The following TJP1 variants were observed in gnomAD, a reference collection of about 807,000 sequenced individuals.
TJP1 encodes the protein tight junction protein ZO-1.
Under a neutral mutation model 194.2 loss-of-function variants are expected in TJP1, and 43 were observed. That is an observed-to-expected ratio of 0.22 (90% CI 0.17 to 0.29). The LOEUF (loss-of-function observed/expected upper bound fraction) is 0.29, where lower values mean the gene tolerates loss of function less well. Among genes scored for constraint, TJP1 ranks in the 10% least tolerant of loss-of-function variants. The pLI, the probability that TJP1 is intolerant of heterozygous loss-of-function variation, is 1.00. For missense variants in TJP1, 1,971 were observed against 2,185.7 expected (o/e 0.90, Z 1.96); for synonymous variants, 801 against 779.0 (o/e 1.03, Z -0.47).
At chr15:29,815,798 C>A (rs1014862247) in intron 1 of TJP1, among the ~76,000 whole-genome samples, 1 of 152,194 alleles carries the variant, frequency 6.6e-6, no homozygotes, top group Non-Finnish European at 1.5e-5. Flanking sequence ...ATTCTTAGAA[C>A]TGTACAGAGT....
At chr15:29,963,093 A>G (rs1423438722) in intron 1 of TJP1, among the ~76,000 whole-genome samples, 1 of 152,182 alleles carries the variant, frequency 6.6e-6, no homozygotes, top group African/African-American at 2.4e-5. Context: ...GTGAGCTGAG[A>G]TCGCGCCATT....
At chr15:29,812,183 C>T (rs969775597) in intron 1 of TJP1, among the ~76,000 whole-genome samples, 1 of 152,260 alleles carries the variant, frequency 6.6e-6, no homozygotes, top group East Asian at 1.9e-4. Context: ...AAGAGTTGCT[C>T]GGTGATAATC....
intron 2 of TJP1, among the ~76,000 whole-genome samples, chr15:29,930,640 T>C (rs763051618): frequency 1.2e-5 from 1 of 85,094 alleles, no homozygotes; most frequent in Non-Finnish European, 2.4e-5. Context: ...GATGAGACAT[T>C]AGAAGCAGTC....
At chr15:29,813,672 G>T (rs1052596805) in intron 1 of TJP1, among the ~76,000 whole-genome samples, 35 of 152,162 alleles carry the variant, frequency 2.3e-4, no homozygotes, top group African/African-American at 7.7e-4. Context: ...GAGAAACCTA[G>T]AAGACAAGAT....
rs570048794 is a variant in TJP1 at position 29,950,391 on chromosome 15, T to C, written c.306+5841A>G. ...ACCACCACCTCTACCTCCACCACCATAACCACCACCACTTCTACCACCATA... is the reference window on the plus strand; with the variant it reads ...ACCACCACCTCTACCTCCACCACCACAACCACCACCACTTCTACCACCATA... On this transcript the variant is annotated intron_variant, in intron 2 of 28. Transcript: ENST00000356107. 2.1e-4 allele frequency among the ~76,000 whole-genome samples: 30 copies of C among 144,946 alleles called. No homozygotes were observed. In the South Asian group the frequency reaches 6.6e-3, roughly 32 times the overall value.
At position 29,741,424 on chromosome 15, in the gene TJP1, A is replaced by G. The variant is rs748263338; in HGVS notation, c.1163T>C (p.Val388Ala). The part of the protein sequence containing the change: ...QTPSLPEPKP[V>A]YAQVGQPDVD... ...ATCTGGTTGCCCAACTTGGGCATAC[A>G]CAGGCTTTGGTTCTAAGAAAAAAAA... Residue 388 changes from valine (V) to alanine (A), a missense_variant, in exon 10 of 28, where the codon GTG becomes GCG. This residue lies in a region of TJP1 where 192 missense variants were observed against 182.3 expected (regional missense o/e 1.05). Transcript: ENST00000614355. The G allele has an allele frequency of 1.2e-5, 20 of 1,608,266 alleles. No homozygotes were observed. The highest frequency in any genetic ancestry group is 1.7e-5 in the Non-Finnish European group (20 of 1,178,140).
intron 1 of TJP1, among the ~76,000 whole-genome samples, chr15:29,803,942 AAAG>A (rs372631847): frequency 1.8e-3 from 275 of 152,212 alleles, no homozygotes; most frequent in African/African-American, 6.1e-3. Flanking sequence ...TGAAACATCA[AAAG>A]AAGTGGTTAG....
intron 2 of TJP1, among the ~76,000 whole-genome samples, chr15:29,789,638 G>A (rs1308466101): frequency 6.6e-6 from 1 of 152,136 alleles, no homozygotes. Flanking sequence ...GTAAATAGCA[G>A]AAAATGTTAG....
chr15:29,905,119 C>T (rs915120711), intron 2 of TJP1, among the ~76,000 whole-genome samples: 18 of 152,194 alleles, frequency 1.2e-4, no homozygotes, highest in African/African-American at 3.9e-4. Flanking sequence ...TCCTAGCAAA[C>T]TGACAACGTA....
intron 2 of TJP1, among the ~76,000 whole-genome samples, chr15:29,779,652 ATTTAAC>A (rs2151711731): frequency 1.3e-5 from 2 of 152,354 alleles, no homozygotes; most frequent in East Asian, 3.9e-4. Flanking sequence ...TGATTATTCA[ATTTAAC>A]TTTAATTCTA....
chr15:29,806,782 G>T (rs929276065), intron 1 of TJP1, among the ~76,000 whole-genome samples: 1 of 152,132 alleles, frequency 6.6e-6, no homozygotes, highest in Non-Finnish European at 1.5e-5. Context: ...CACAAATGAA[G>T]TACAAAGGGA....
intron 23 of TJP1, among the ~76,000 whole-genome samples, chr15:29,712,596 A>C (rs2042307628): frequency 6.6e-6 from 1 of 152,222 alleles, no homozygotes; most frequent in Non-Finnish European, 1.5e-5. Flanking sequence ...AATTGAAGAT[A>C]AATAAAACAC....
chr15:29,791,566 G>T (rs1160779673), intron 2 of TJP1, among the ~76,000 whole-genome samples: 2 of 151,260 alleles, frequency 1.3e-5, no homozygotes, highest in African/African-American at 4.8e-5. Context: ...GACTACAGGC[G>T]CCCACCACCA....
At chr15:29,936,529 C>A (rs936368435) in intron 2 of TJP1, among the ~76,000 whole-genome samples, 2 of 152,150 alleles carry the variant, frequency 1.3e-5, no homozygotes, top group Admixed American at 1.3e-4. Context: ...CGCCGGCTCT[C>A]CAAACTGAGG....
intron 2 of TJP1, among the ~76,000 whole-genome samples, chr15:29,949,136 TCCACC>T (rs2055401732): frequency 8.4e-6 from 1 of 118,936 alleles, no homozygotes; most frequent in Non-Finnish European, 1.8e-5. Context: ...CACCTCCACC[TCCACC>T]TTCACCACCT....
chr15:29,731,071 T>C (rs991323490), intron 15 of TJP1: 56 of 775,186 alleles, frequency 7.2e-5, no homozygotes, highest in Non-Finnish European at 1.2e-4. Context: ...ATGCAGAATT[T>C]TGTTTTACTT....
At chr15:29,734,062 T>A (rs750586328) in intron 12 of TJP1, among the ~76,000 whole-genome samples, 8 of 152,202 alleles carry the variant, frequency 5.3e-5, no homozygotes, top group Non-Finnish European at 2.9e-5. Context: ...TAGAATACTA[T>A]AAAGGTTAGT....
chr15:29,876,901 A>G (rs1393885445), intron 2 of TJP1, among the ~76,000 whole-genome samples: 3 of 152,194 alleles, frequency 2.0e-5, no homozygotes, highest in African/African-American at 7.2e-5. Context: ...TGACACATTT[A>G]TACCTCCTAA....
intron 23 of TJP1, among the ~76,000 whole-genome samples, chr15:29,716,397 T>C (rs1435602512): frequency 6.6e-6 from 1 of 152,206 alleles, no homozygotes; most frequent in Non-Finnish European, 1.5e-5. Context: ...CCTGTGATGT[T>C]AGCATCTTTG....
Sources: gnomAD v4.1 joint callset for allele counts (sites outside exome capture counted in the v4.1 genomes callset) on GRCh38, gnomAD v4.1.1 for gene constraint, gnomAD v4.1.1 regional missense constraint, MANE v1.5 for transcripts, NCBI Gene and HGNC (gene_info 2026-07-23, HGNC 2026-07-21) for gene names.